The following PHACTR4 variants were observed in gnomAD, a reference collection of about 807,000 sequenced individuals.
PHACTR4 encodes the protein phosphatase and actin regulator 4.
PHACTR4 carries 51 observed loss-of-function variants against 72.7 expected under a neutral mutation model. That is an observed-to-expected ratio of 0.70 (90% CI 0.56 to 0.89). The LOEUF (loss-of-function observed/expected upper bound fraction) is 0.89, where lower values mean the gene tolerates loss of function less well. Among genes scored for constraint, PHACTR4 ranks in the 40% least tolerant of loss-of-function variants. The pLI is 0.00. For missense variants in PHACTR4, 731 were observed against 861.8 expected (o/e 0.85, Z 1.90); for synonymous variants, 255 against 302.5 (o/e 0.84, Z 1.63).
chr1:28,433,951 TTGTATTTTTAG>T (rs1436215210), intron 2 of PHACTR4, among the ~76,000 whole-genome samples: 1 of 151,934 alleles, frequency 6.6e-6, no homozygotes, highest in East Asian at 1.9e-4. Context: ...CGGCTAATAT[TTGTATTTTTAG>T]TAGAGAGGGG....
At chr1:28,455,612 C>T (rs530800109) in intron 2 of PHACTR4, among the ~76,000 whole-genome samples, 1 of 152,208 alleles carries the variant, frequency 6.6e-6, no homozygotes, top group East Asian at 1.9e-4. Flanking sequence ...TTTAACACAC[C>T]TGACTGACCT....
intron 1 of PHACTR4, among the ~76,000 whole-genome samples, chr1:28,385,754 T>C (rs1046422582): frequency 5.3e-5 from 8 of 151,452 alleles, no homozygotes; most frequent in Non-Finnish European, 1.0e-4. Flanking sequence ...TAGCTGGGAT[T>C]ACAGGTGTGT....
intron 8 of PHACTR4, among the ~76,000 whole-genome samples, chr1:28,479,469 G>A (rs1177426434): frequency 6.7e-6 from 1 of 149,808 alleles, no homozygotes; most frequent in Non-Finnish European, 1.5e-5. Flanking sequence ...TGTAACCCCA[G>A]CTACTCAGGA....
Position 28,473,571 on chromosome 1 carries a change from A to G in PHACTR4, c.841A>G (p.Ile281Val). Residue 281 changes from isoleucine (I) to valine (V), a missense_variant, in exon 7 of 14, where the codon ATA (isoleucine) becomes GTA (valine). Ile to Val is a conservative substitution (Grantham distance 29). Around this residue, in one of 2 missense-constraint regions of PHACTR4, gnomAD observed 621 missense variants for 676.6 expected, o/e 0.92. Transcript: ENST00000373839. ...TTTTCCAGCTGAACTGTCCCAAGCA[A>G]TAAACAGTGGTACATTGTTATCAAA... Reference protein sequence around the residue: ...NPVIAELSQAINSGTLLSKPS... With the variant: ...NPVIAELSQAVNSGTLLSKPS... The G allele has an allele frequency of 6.2e-7, 1 of 1,610,292 alleles. No individual in the cohort carries two copies. The highest frequency in any genetic ancestry group is 8.5e-7 in the Non-Finnish European group (1 of 1,177,070).
At chr1:28,404,641 T>A (rs1271157043) in intron 1 of PHACTR4, among the ~76,000 whole-genome samples, 1 of 152,194 alleles carries the variant, frequency 6.6e-6, no homozygotes, top group East Asian at 1.9e-4. Flanking sequence ...TATGGTAAAC[T>A]CTATGTTTAA....
In PHACTR4 at chr1:28,498,932, G is replaced by A. The variant is rs1293617579; in HGVS notation, c.*2383G>A. The A allele has an allele frequency of 1.3e-5, 2 of 151,716 alleles. No homozygotes were observed. Among genetic ancestry groups the A allele is most frequent in the African/African-American group, 2.4e-5 (1 of 41,308 alleles). The allele number at this position is 151,716 out of a possible 1,614,324, so 9.4% of individuals were successfully genotyped here. ...AAAATACAAAAATTAGCCTGGCGTGGTGGCACGCATCTGTAATCCCAACTA... is the reference window on the plus strand; with the variant it reads ...AAAATACAAAAATTAGCCTGGCGTGATGGCACGCATCTGTAATCCCAACTA... On this transcript the variant is annotated 3_prime_UTR_variant, in exon 14 of 14. Transcript: ENST00000373839.
intron 9 of PHACTR4, among the ~76,000 whole-genome samples, chr1:28,487,041 A>AATAC (rs571585106): frequency 3.1e-4 from 47 of 152,058 alleles, no homozygotes; most frequent in African/African-American, 6.3e-4. Flanking sequence ...TAAATAAATA[A>AATAC]ATACATACAT....
intron 9 of PHACTR4, among the ~76,000 whole-genome samples, chr1:28,486,006 C>A (rs1660621082): frequency 1.3e-5 from 2 of 151,892 alleles, no homozygotes; most frequent in South Asian, 2.1e-4. Flanking sequence ...TTTAAAAAAA[C>A]ACACACAATA....
At chr1:28,458,483 A>G (rs1658567916) in intron 2 of PHACTR4, among the ~76,000 whole-genome samples, 2 of 152,078 alleles carry the variant, frequency 1.3e-5, no homozygotes, top group Non-Finnish European at 2.9e-5. Context: ...TGGTAAACAA[A>G]TTGGAATCTC....
chr1:28,444,611 T>A (rs1396013780), intron 2 of PHACTR4, among the ~76,000 whole-genome samples: 1 of 150,708 alleles, frequency 6.6e-6, no homozygotes, highest in African/African-American at 2.4e-5. Context: ...TTTATTTTTT[T>A]ATTTTTATTA....
intron 2 of PHACTR4, chr1:28,453,497 T>C (rs1285204677): frequency 5.0e-6 from 2 of 403,416 alleles, no homozygotes; most frequent in Non-Finnish European, 4.5e-6. Context: ...TTGCCTGCCA[T>C]TTTTATAAGT....
chr1:28,430,959 C>G (rs1199540473), intron 2 of PHACTR4, among the ~76,000 whole-genome samples: 1 of 146,876 alleles, frequency 6.8e-6, no homozygotes, highest in Non-Finnish European at 1.5e-5. Flanking sequence ...AGGCGGATCA[C>G]GAGGTCGGGA....
chr1:28,444,414 C>G (rs1412071543), intron 2 of PHACTR4, among the ~76,000 whole-genome samples: 1 of 149,502 alleles, frequency 6.7e-6, no homozygotes, highest in Non-Finnish European at 1.5e-5. Flanking sequence ...ATTTTTAATA[C>G]AGACAGGGTT....
intron 6 of PHACTR4, among the ~76,000 whole-genome samples, chr1:28,467,864 G>C (rs2124488498): frequency 6.6e-6 from 1 of 152,218 alleles, no homozygotes; most frequent in East Asian, 1.9e-4. Context: ...TTATATAAAT[G>C]CACAATTTCT....
intron 7 of PHACTR4, among the ~76,000 whole-genome samples, chr1:28,475,690 A>G (rs1338766374): frequency 6.7e-6 from 1 of 149,748 alleles, no homozygotes; most frequent in Non-Finnish European, 1.5e-5. Flanking sequence ...TACTTCATCC[A>G]TAGATTTTTT....
chr1:28,486,310 C>T (rs371853443), intron 9 of PHACTR4, among the ~76,000 whole-genome samples: 6 of 151,962 alleles, frequency 3.9e-5, no homozygotes, highest in Admixed American at 2.6e-4. Flanking sequence ...GAGCCAAGAT[C>T]GGGCCACTGC....
chr1:28,385,867 G>T (rs1269643278), intron 1 of PHACTR4, among the ~76,000 whole-genome samples: 1 of 151,708 alleles, frequency 6.6e-6, no homozygotes, highest in Non-Finnish European at 1.5e-5. Flanking sequence ...CGCCCTCCTT[G>T]GCCTCCCAAA....
At chr1:28,395,527 G>A (rs1653425031) in intron 1 of PHACTR4, among the ~76,000 whole-genome samples, 1 of 152,036 alleles carries the variant, frequency 6.6e-6, no homozygotes, top group Non-Finnish European at 1.5e-5. Context: ...ACAAAGAGGA[G>A]GAGGTCAGTT....
intron 1 of PHACTR4, among the ~76,000 whole-genome samples, chr1:28,397,212 G>T (rs1250397079): frequency 6.6e-6 from 1 of 152,042 alleles, no homozygotes; most frequent in Non-Finnish European, 1.5e-5. Context: ...TATATGCCAG[G>T]CACAGCCCAT....
Sources: gnomAD v4.1 joint callset for allele counts (sites outside exome capture counted in the v4.1 genomes callset) on GRCh38, gnomAD v4.1.1 for gene constraint, gnomAD v4.1.1 regional missense constraint, MANE v1.5 for transcripts, NCBI Gene and HGNC (gene_info 2026-07-23, HGNC 2026-07-21) for gene names.